Variants in PIEZO2 observed in about 807,000 individuals in gnomAD.
PIEZO2 encodes the protein piezo-type mechanosensitive ion channel component 2.
Under a neutral mutation model 337.3 loss-of-function variants are expected in PIEZO2, and 172 were observed. That is an observed-to-expected ratio of 0.51 (90% CI 0.45 to 0.58). The LOEUF (loss-of-function observed/expected upper bound fraction) is 0.58, where lower values mean the gene tolerates loss of function less well. PIEZO2 is among the 20% of genes least tolerant of loss of function. The pLI is 0.00. For synonymous variants in PIEZO2, 1,251 were observed against 1,228.5 expected (o/e 1.02, Z -0.38); for missense variants, 3,028 against 3,391.3 (o/e 0.89, Z 2.66).
At position 10,853,837 on chromosome 18, in the gene PIEZO2, G is replaced by T. The variant is rs939603538; in HGVS notation, c.917+1516C>A. Among the ~76,000 whole-genome samples, 2 of 152,060 alleles carry T rather than the reference G, an allele frequency of 1.3e-5. No homozygotes were observed. Among genetic ancestry groups the T allele is most frequent in the African/African-American group, 4.8e-5 (2 of 41,384 alleles). On this transcript the variant is annotated intron_variant, in intron 7 of 55. Transcript: ENST00000674853. This position sits in a 1 kb window ranked among gnomAD's most constrained non-coding sequence, Gnocchi z 4.2. Reference sequence around the variant, plus strand: ...TCTCCTAAAATAATGGCATTTTTCTGTCTACCCACAAAACCATCATACACC... The same window carrying T: ...TCTCCTAAAATAATGGCATTTTTCTTTCTACCCACAAAACCATCATACACC...
intron 41 of PIEZO2, 64 bp downstream of exon 41, chr18:10,705,272 T>G: frequency 6.9e-7 from 1 of 1,444,952 alleles, no homozygotes; most frequent in Non-Finnish European, 9.1e-7. Context: ...GTATACAGAA[T>G]TAGGGCATTA....
chr18:10,920,468 T>A (rs2031318586), intron 3 of PIEZO2, among the ~76,000 whole-genome samples: 1 of 152,210 alleles, frequency 6.6e-6, no homozygotes, highest in Non-Finnish European at 1.5e-5. Flanking sequence ...TTACATATGC[T>A]ATTTAAATGT....
At chr18:10,693,598 C>T (rs1015187625) in intron 47 of PIEZO2, among the ~76,000 whole-genome samples, 3 of 151,650 alleles carry the variant, frequency 2.0e-5, no homozygotes, top group African/African-American at 4.8e-5. Flanking sequence ...TAACTCCTGA[C>T]CTTGTGATCC....
rs1388738095 is a variant in PIEZO2 at position 10,861,688 on chromosome 18, T to C, written c.493-4477A>G. 6.6e-6 allele frequency among the ~76,000 whole-genome samples: 1 copy of C among 152,202 alleles called. No individual in the cohort carries two copies. Among genetic ancestry groups the C allele is most frequent in the East Asian group, 1.9e-4 (1 of 5,188 alleles). On this transcript the variant is annotated intron_variant, in intron 5 of 55. Coordinates refer to ENST00000674853, the MANE Select transcript of PIEZO2 (RefSeq NM_001378183.1). The surrounding 1 kb of genome is among the most constrained non-coding windows in gnomAD (Gnocchi z 4.3). Reference sequence around the variant, plus strand: ...ATGAAGAATGATTTTGGGGGACCTATTGCACTGCATGGTGACTGTAGTTTT... The same window carrying C: ...ATGAAGAATGATTTTGGGGGACCTACTGCACTGCATGGTGACTGTAGTTTT...
chr18:10,719,522 T>C (rs1200374635), intron 36 of PIEZO2, among the ~76,000 whole-genome samples: 1 of 152,198 alleles, frequency 6.6e-6, no homozygotes. Flanking sequence ...GAAGACATGA[T>C]TTCATTCATT....
chr18:10,998,570 T>C (rs775697880), intron 2 of PIEZO2, among the ~76,000 whole-genome samples: 40 of 152,212 alleles, frequency 2.6e-4, no homozygotes, highest in Middle Eastern at 6.8e-3. Flanking sequence ...CAAAGATGTG[T>C]CACCTAATAA....
intron 49 of PIEZO2, among the ~76,000 whole-genome samples, chr18:10,684,228 C>G (rs376414778): frequency 5.5e-4 from 64 of 115,528 alleles, no homozygotes; most frequent in Admixed American, 8.9e-4. Context: ...TGCAGTGGCG[C>G]GATCTTGGCT....
intron 3 of PIEZO2, among the ~76,000 whole-genome samples, chr18:10,926,387 T>A (rs2031742111): frequency 6.6e-6 from 1 of 152,160 alleles, no homozygotes; most frequent in Non-Finnish European, 1.5e-5. Context: ...TTATTACAAA[T>A]TTGCAGTGCA....
intron 20 of PIEZO2, among the ~76,000 whole-genome samples, chr18:10,771,088 T>C (rs555290486): frequency 6.6e-6 from 1 of 152,352 alleles, no homozygotes; most frequent in South Asian, 2.1e-4. Flanking sequence ...ATTCTAGGAA[T>C]GTTAAATAAT....
At chr18:11,106,312 A>G (rs2039559513) in intron 1 of PIEZO2, among the ~76,000 whole-genome samples, 1 of 141,268 alleles carries the variant, frequency 7.1e-6, no homozygotes, top group African/African-American at 2.7e-5. Flanking sequence ...CTTAGCCAGG[A>G]TGGTCTCGAT....
At chr18:10,879,746 C>A (rs914423513) in intron 4 of PIEZO2, among the ~76,000 whole-genome samples, 15 of 152,222 alleles carry the variant, frequency 9.9e-5, no homozygotes, top group African/African-American at 3.6e-4. Flanking sequence ...AGTGATTATA[C>A]CCCTTGAAAG....
chr18:10,762,704 G>C lies in PIEZO2; in HGVS notation c.3124-79C>G, dbSNP rs1176563649. Reference sequence around the variant, plus strand: ...CTCAGGTTATTTCTTCTTCAGCCTTGAGCAAAATGATAGTGGTAGGATGGG... The same window carrying C: ...CTCAGGTTATTTCTTCTTCAGCCTTCAGCAAAATGATAGTGGTAGGATGGG... On this transcript the variant is annotated intron_variant, in intron 22 of 55. Coordinates refer to ENST00000674853, the MANE Select transcript of PIEZO2 (RefSeq NM_001378183.1). 8 of 1,470,710 alleles carry C rather than the reference G, an allele frequency of 5.4e-6. No individual in the cohort carries two copies. The South Asian group carries it at 6.5e-5, about 12-fold the overall frequency. The allele number at this position is 1,470,710 out of a possible 1,614,324, so 91.1% of individuals were successfully genotyped here. A position where few individuals can be genotyped will look rare whatever the true frequency, so the allele number is the denominator to read the frequency against.
intron 1 of PIEZO2, among the ~76,000 whole-genome samples, chr18:11,139,898 G>A (rs1030995554): frequency 6.6e-6 from 1 of 152,088 alleles, no homozygotes; most frequent in Non-Finnish European, 1.5e-5. Context: ...ACTGCCCATC[G>A]AGTTCTCTTC....
At chr18:10,880,536 CACAAAGA>C (rs2144845455) in intron 4 of PIEZO2, among the ~76,000 whole-genome samples, 1 of 152,120 alleles carries the variant, frequency 6.6e-6, no homozygotes, top group Non-Finnish European at 1.5e-5. Context: ...TTCAGAAGTT[CACAAAGA>C]ACAACTTTTG....
intron 26 of PIEZO2, among the ~76,000 whole-genome samples, chr18:10,758,753 C>G (rs1372141884): frequency 1.3e-5 from 2 of 152,138 alleles, no homozygotes; most frequent in African/African-American, 4.8e-5. Flanking sequence ...AGACTGTCCC[C>G]AAAGCAGAAG....
chr18:10,869,509 A>C (rs968428605), intron 5 of PIEZO2, among the ~76,000 whole-genome samples: 5 of 152,216 alleles, frequency 3.3e-5, no homozygotes, highest in African/African-American at 1.2e-4. Context: ...ATAAATCATA[A>C]AAATAACAAA....
rs1286267019 is a variant in PIEZO2, at chr18:11,036,682, C to A, written c.160+29445G>T. 2.0e-5 allele frequency among the ~76,000 whole-genome samples: 3 copies of A among 151,980 alleles called. No homozygotes were observed. In the East Asian group the frequency reaches 5.8e-4, roughly 29 times the overall value. ...ATTAAAACTGGTTTCACCAATGTAA[C>A]CGATATGGCTCTACTGAGTTTGTGT... On this transcript the variant is annotated intron_variant, in intron 2 of 55. Transcript: ENST00000674853.
At chr18:10,749,815 G>A (rs1240239941) in intron 29 of PIEZO2, among the ~76,000 whole-genome samples, 1 of 152,118 alleles carries the variant, frequency 6.6e-6, no homozygotes, top group Non-Finnish European at 1.5e-5. Flanking sequence ...AAAAAGTCCG[G>A]GGAGTTACTA....
intron 2 of PIEZO2, among the ~76,000 whole-genome samples, chr18:11,019,003 A>G (rs2036220183): frequency 6.6e-6 from 1 of 152,160 alleles, no homozygotes; most frequent in Admixed American, 6.5e-5. Context: ...TTCAGGACGG[A>G]GCCTTGATTT....
Sources: gnomAD v4.1 joint callset for allele counts (sites outside exome capture counted in the v4.1 genomes callset) on GRCh38, gnomAD v4.1.1 for gene constraint, Gnocchi (gnomAD v3.1) non-coding constraint, MANE v1.5 for transcripts, NCBI Gene and HGNC (gene_info 2026-07-23, HGNC 2026-07-21) for gene names.